ADAMTS17: variants seen among roughly 807,000 people sequenced by gnomAD.
ADAMTS17 encodes the protein ADAM metallopeptidase with thrombospondin type 1 motif 17, also known as A disintegrin and metalloproteinase with thrombospondin motifs 17.
A neutral mutation model predicts 141.5 loss-of-function variants in ADAMTS17; 113 were observed. The observed-to-expected ratio is 0.80, with a 90% CI of 0.69 to 0.93. ADAMTS17 has a LOEUF of 0.93. ADAMTS17 is among the 40% of genes least tolerant of loss of function. ADAMTS17 has a pLI of 0.00. For missense variants in ADAMTS17, 1,659 were observed against 1,517.9 expected (o/e 1.09, Z -1.54); for synonymous variants, 768 against 630.6 (o/e 1.22, Z -3.27).
chr15:100,324,024 CAAAAA>C (rs35999702), intron 3 of ADAMTS17, among the ~76,000 whole-genome samples: 1 of 133,154 alleles, frequency 7.5e-6, no homozygotes, highest in African/African-American at 2.8e-5. Context: ...TCCTTTCTCT[CAAAAA>C]AAAAAAAAAA....
intron 3 of ADAMTS17, among the ~76,000 whole-genome samples, chr15:100,294,202 T>A (rs977281551): frequency 6.6e-6 from 1 of 152,192 alleles, no homozygotes; most frequent in African/African-American, 2.4e-5. Flanking sequence ...TGTTAATTAT[T>A]AGGGTCTAAG....
At chr15:100,087,724 C>T (rs2035200493) in intron 15 of ADAMTS17, among the ~76,000 whole-genome samples, 1 of 152,138 alleles carries the variant, frequency 6.6e-6, no homozygotes, top group Non-Finnish European at 1.5e-5. Context: ...ATAAACAGAA[C>T]CAAAGACAAA....
At chr15:100,315,450 A>C (rs2045535213) in intron 3 of ADAMTS17, among the ~76,000 whole-genome samples, 1 of 152,188 alleles carries the variant, frequency 6.6e-6, no homozygotes, top group Non-Finnish European at 1.5e-5. Flanking sequence ...TCCAGTGCTC[A>C]GAACAGGGCT....
chr15:100,234,799 G>A (rs751579548), intron 7 of ADAMTS17, among the ~76,000 whole-genome samples: 1 of 152,178 alleles, frequency 6.6e-6, no homozygotes, highest in African/African-American at 2.4e-5. Context: ...AGCTGAGCCA[G>A]GGTGGAAAGG....
intron 8 of ADAMTS17, among the ~76,000 whole-genome samples, chr15:100,176,915 G>C (rs2040358842): frequency 6.6e-6 from 1 of 152,172 alleles, no homozygotes; most frequent in Non-Finnish European, 1.5e-5. Context: ...ATTTCCTTGA[G>C]GTTCATCCAC....
intron 15 of ADAMTS17, among the ~76,000 whole-genome samples, chr15:100,085,102 T>G (rs2035010996): frequency 1.3e-5 from 2 of 151,846 alleles, no homozygotes; most frequent in Admixed American, 1.3e-4. Flanking sequence ...TGAAAAAATA[T>G]TAGATGAATG....
intron 20 of ADAMTS17, among the ~76,000 whole-genome samples, chr15:99,977,542 T>C (rs889128865): frequency 3.3e-5 from 5 of 149,760 alleles, no homozygotes; most frequent in Admixed American, 6.7e-5. Flanking sequence ...GCCTTCTGAG[T>C]AGCTGGGATT....
chr15:100,043,011 C>T (rs112672339), intron 18 of ADAMTS17, among the ~76,000 whole-genome samples: 3,653 of 152,208 alleles, frequency 0.024, 153 homozygotes, highest in African/African-American at 0.081. Context: ...TATGTACGCA[C>T]GGATCTATCT....
At chr15:100,199,780 C>T (rs569599318) in intron 7 of ADAMTS17, among the ~76,000 whole-genome samples, 16 of 152,314 alleles carry the variant, frequency 1.1e-4, no homozygotes, top group South Asian at 4.1e-4. Flanking sequence ...TGCGATCCTA[C>T]GCCAGATCTG....
At chr15:100,011,548 CTAGT>C (rs1359483803) in intron 18 of ADAMTS17, among the ~76,000 whole-genome samples, 1 of 152,020 alleles carries the variant, frequency 6.6e-6, no homozygotes, top group African/African-American at 2.4e-5. Flanking sequence ...AATAGATTCT[CTAGT>C]TATTATACCA....
chr15:100,107,218 C>T lies in ADAMTS17; in HGVS notation c.2016+1771G>A, dbSNP rs147651608. ...CTCCTCTTGTTCTGTTTGTCACGCA[C>T]ACTGAAATGTTGATGCCTATGCACT... is the stretch of plus-strand genomic sequence containing the variant. On this transcript the variant is annotated intron_variant, in intron 14 of 21. Coordinates refer to ENST00000268070, the MANE Select transcript of ADAMTS17 (RefSeq NM_139057.4). Among the ~76,000 whole-genome samples the T allele has an allele frequency of 1.2e-4, 19 of 152,298 alleles. 1 individual carries two copies. The East Asian group carries it at 2.5e-3, about 20-fold the overall frequency.
chr15:100,155,846 C>G (rs920617785), intron 8 of ADAMTS17, among the ~76,000 whole-genome samples: 1 of 152,212 alleles, frequency 6.6e-6, no homozygotes, highest in African/African-American at 2.4e-5. Context: ...GTCACCTTCC[C>G]TATTCAGCTA....
At chr15:100,184,830 C>T (rs1040660538) in intron 8 of ADAMTS17, among the ~76,000 whole-genome samples, 10 of 152,176 alleles carry the variant, frequency 6.6e-5, no homozygotes, top group African/African-American at 2.2e-4. Context: ...CCTTCCAGAG[C>T]TCTGGGATCT....
chr15:100,027,486 A>G (rs186415633), intron 18 of ADAMTS17, among the ~76,000 whole-genome samples: 10 of 152,360 alleles, frequency 6.6e-5, no homozygotes, highest in Admixed American at 2.0e-4. Context: ...TGGGATTGAC[A>G]AACTATGGCC....
Position 100,190,645 on chromosome 15 carries a change from C to T in ADAMTS17, c.1181+8673G>A, listed in dbSNP as rs1425970362. On this transcript the variant is annotated intron_variant, in intron 8 of 21. Transcript: ENST00000268070. ...TCTGGAGAAGTCAGGTACTTGGTTT[C>T]AAGTTGTCCACTGGCAGTGGGCAGT... Among the ~76,000 whole-genome samples the T allele has an allele frequency of 2.6e-5, 4 of 152,326 alleles. No homozygotes were observed. The South Asian group carries it at 6.2e-4, about 24-fold the overall frequency.
At chr15:100,193,002 G>A (rs189575764) in intron 8 of ADAMTS17, among the ~76,000 whole-genome samples, 155 of 152,298 alleles carry the variant, frequency 1.0e-3, no homozygotes, top group African/African-American at 3.1e-3. Flanking sequence ...CATCCTTCCC[G>A]ACGTCCACTG....
chr15:100,307,315 T>G (rs985145445), intron 3 of ADAMTS17, among the ~76,000 whole-genome samples: 6 of 152,144 alleles, frequency 3.9e-5, no homozygotes, highest in Non-Finnish European at 8.8e-5. Context: ...AAGTTTGGTG[T>G]GACGGGGTTC....
Position 100,341,338 on chromosome 15 carries a change from G to A in ADAMTS17, c.151C>T (p.Pro51Ser). 1 of 1,022,140 alleles carries A rather than the reference G, an allele frequency of 9.8e-7. No homozygotes were observed. Among genetic ancestry groups the A allele is most frequent in the Non-Finnish European group, 1.2e-6 (1 of 856,232 alleles). 63.3% of individuals were successfully genotyped at this position (1,022,140 alleles called of 1,614,324 possible). The change falls in exon 2 of 22, where the codon CCG (proline) becomes TCG (serine). Residue 51 changes from proline to serine, a missense_variant. Transcript: ENST00000268070. Reference sequence around the variant, plus strand: ...GGCCCGGGGGCTGCGGGCAGCGGCGGCAGGTGCACGTCGTCGGGGCGCACC... The same window carrying A: ...GGCCCGGGGGCTGCGGGCAGCGGCGACAGGTGCACGTCGTCGGGGCGCACC... Reference protein sequence around the residue: ...WRVRPDDVHLPPLPAAPGPRR... With the variant: ...WRVRPDDVHLSPLPAAPGPRR...
chr15:100,319,444 C>T (rs2045662290), intron 3 of ADAMTS17, among the ~76,000 whole-genome samples: 1 of 152,218 alleles, frequency 6.6e-6, no homozygotes, highest in South Asian at 2.1e-4. Context: ...TGGGCAGTGG[C>T]TCACGCCTGT....
Sources: allele counts gnomAD v4.1 joint callset (sites outside exome capture counted in the v4.1 genomes callset), GRCh38; gene constraint gnomAD v4.1.1; transcripts MANE v1.5; gene names NCBI Gene and HGNC (gene_info 2026-07-23, HGNC 2026-07-21).